IPO11: variants seen among roughly 807,000 people sequenced by gnomAD.
IPO11 encodes importin 11, also known as importin-11.
A neutral mutation model predicts 143.2 loss-of-function variants in IPO11; 66 were observed. The observed-to-expected ratio is 0.46, with a 90% CI of 0.38 to 0.57. The LOEUF (loss-of-function observed/expected upper bound fraction) is 0.57, where lower values mean the gene tolerates loss of function less well. IPO11 is among the 20% of genes least tolerant of loss of function. The pLI is 0.00. For synonymous variants in IPO11, 385 were observed against 377.8 expected (o/e 1.02, Z -0.22); for missense variants, 1,026 against 1,141.0 (o/e 0.90, Z 1.45).
rs1240762904 is a variant in IPO11, at chr5:62,438,763, G to A, written c.138+1346G>A. On this transcript the variant is annotated intron_variant, in intron 2 of 29. Coordinates refer to ENST00000325324, the MANE Select transcript of IPO11 (RefSeq NM_016338.5). ...ACGAAACTCCATCTCAAAAAAAAAA[G>A]GGGGGGAGCAGCGGGGCCAGGTGTG... Among the ~76,000 whole-genome samples the A allele has an allele frequency of 4.8e-5, 7 of 144,750 alleles. No individual in the cohort carries two copies. In the Admixed American group the frequency reaches 4.8e-4, roughly 10 times the overall value. 95.0% of individuals were successfully genotyped at this position (144,750 alleles called of 152,430 possible).
intron 8 of IPO11, among the ~76,000 whole-genome samples, chr5:62,476,089 T>A (rs1345796618): frequency 6.6e-6 from 1 of 152,260 alleles, no homozygotes; most frequent in Non-Finnish European, 1.5e-5. Context: ...AATGTTCATA[T>A]TGTGTAGTTA....
intron 5 of IPO11, among the ~76,000 whole-genome samples, chr5:62,454,287 T>C (rs1745046718): frequency 6.6e-6 from 1 of 152,254 alleles, no homozygotes; most frequent in Non-Finnish European, 1.5e-5. Flanking sequence ...GACCGTTCAC[T>C]CACTCAAGTC....
At chr5:62,566,909 C>A (rs750238850) in intron 27 of IPO11, among the ~76,000 whole-genome samples, 2 of 151,952 alleles carry the variant, frequency 1.3e-5, no homozygotes, top group Non-Finnish European at 2.9e-5. Context: ...TCCAGGCAGG[C>A]CTTGATCTCC....
chr5:62,507,884 A>G lies in IPO11; in HGVS notation c.1782+1527A>G, dbSNP rs1182397128. On this transcript the variant is annotated intron_variant, in intron 19 of 29. Coordinates refer to ENST00000325324, the MANE Select transcript of IPO11 (RefSeq NM_016338.5). ...AGCACAAATAGCCTAAGCAGCTTACATGCCTATATCATCAGAAAGTAACAA... is the reference window on the plus strand; with the variant it reads ...AGCACAAATAGCCTAAGCAGCTTACGTGCCTATATCATCAGAAAGTAACAA... Among the ~76,000 whole-genome samples, 3 of 152,212 alleles carry G rather than the reference A, an allele frequency of 2.0e-5. No homozygotes were observed. In the East Asian group the frequency reaches 5.8e-4, roughly 29 times the overall value.
chr5:62,516,801 C>T (rs958888553), intron 20 of IPO11, among the ~76,000 whole-genome samples: 1 of 151,820 alleles, frequency 6.6e-6, no homozygotes, highest in African/African-American at 2.4e-5. Context: ...TCATAATGTT[C>T]AACTGTCACT....
intron 27 of IPO11, among the ~76,000 whole-genome samples, chr5:62,588,198 T>G (rs1348723486): frequency 1.3e-5 from 2 of 152,052 alleles, no homozygotes; most frequent in Non-Finnish European, 2.9e-5. Context: ...AACTTCACAT[T>G]TTCCAGTTTT....
intron 28 of IPO11, among the ~76,000 whole-genome samples, chr5:62,599,512 T>C (rs545659403): frequency 1.3e-5 from 2 of 152,380 alleles, no homozygotes; most frequent in African/African-American, 4.8e-5. Flanking sequence ...GCAGAGTTTA[T>C]ATAGATTAAA....
rs750570635 is a variant in IPO11, at chr5:62,515,400, G to A, written c.1795G>A (p.Val599Met). The change falls in exon 20 of 30, where the codon GTG (valine) becomes ATG (methionine). Residue 599 changes from valine to methionine, a missense_variant. Transcript: ENST00000325324. The stretch of plus-strand genomic sequence containing the variant: ...TATATTGTAATAGATACGACCATAT[G>A]TGGGATGTTTGGTACAATATTTGCC... Reference protein sequence around the residue: ...ERVNMQIRPYVGCLVQYLPLL... With the variant: ...ERVNMQIRPYMGCLVQYLPLL... 2 of 1,606,018 alleles carry A rather than the reference G, an allele frequency of 1.2e-6. No individual in the cohort carries two copies. The highest frequency in any genetic ancestry group is 8.5e-7 in the Non-Finnish European group (1 of 1,177,180).
intron 22 of IPO11, among the ~76,000 whole-genome samples, chr5:62,534,068 T>A (rs1290154751): frequency 6.6e-6 from 1 of 152,230 alleles, no homozygotes; most frequent in Non-Finnish European, 1.5e-5. Flanking sequence ...GATGCGTTAA[T>A]TAAGTATGAA....
Position 62,518,725 on chromosome 5 carries a change from G to T in IPO11, c.1896+3224G>T, listed in dbSNP as rs570619010. Among the ~76,000 whole-genome samples, 356 of 152,196 alleles carry T rather than the reference G, an allele frequency of 2.3e-3. 1 individual carries two copies. The highest frequency in any genetic ancestry group is 8.1e-3 in the African/African-American group (338 of 41,524). ...TGTAAGTTTCTGTATGTTTTTGTTT[G>T]TTTTTTTAATCCTGGAAATCCAGAT... On this transcript the variant is annotated intron_variant, in intron 20 of 29. Transcript: ENST00000325324.
chr5:62,544,221 C>A (rs563923764), intron 24 of IPO11, among the ~76,000 whole-genome samples: 6 of 152,082 alleles, frequency 3.9e-5, no homozygotes, highest in African/African-American at 1.4e-4. Flanking sequence ...ACCGTCAAAC[C>A]GAATCCAGCA....
chr5:62,513,768 A>G (rs1385851455), intron 19 of IPO11, among the ~76,000 whole-genome samples: 7 of 150,024 alleles, frequency 4.7e-5, no homozygotes, highest in East Asian at 2.0e-4. Flanking sequence ...GGTGGCTGCC[A>G]GGCGGAGACG....
intron 1 of IPO11, among the ~76,000 whole-genome samples, chr5:62,423,631 A>G (rs1205600963): frequency 2.0e-5 from 3 of 152,174 alleles, no homozygotes; most frequent in Non-Finnish European, 4.4e-5. Context: ...CCATCTAGCC[A>G]TCATCCAGCT....
At chr5:62,561,534 T>A (rs1172051243) in intron 27 of IPO11, among the ~76,000 whole-genome samples, 1 of 152,148 alleles carries the variant, frequency 6.6e-6, no homozygotes, top group African/African-American at 2.4e-5. Flanking sequence ...TTTTTATAAT[T>A]ACGTTTTATT....
chr5:62,443,261 T>C, intron 3 of IPO11, 178 bp downstream of exon 3: 1 of 448,466 alleles, frequency 2.2e-6, no homozygotes, highest in South Asian at 5.9e-5. Context: ...ATGTGGAGAT[T>C]TGTGAAGTGT....
At chr5:62,470,160 G>C in intron 6 of IPO11, 90 bp from the exon 7 acceptor site, 4 of 1,247,164 alleles carry the variant, frequency 3.2e-6, no homozygotes, top group Non-Finnish European at 4.7e-6. Context: ...CTCCAAGCTT[G>C]ATTAAGTTTT....
chr5:62,492,060 A>G (rs184413616), intron 15 of IPO11, among the ~76,000 whole-genome samples: 21 of 152,338 alleles, frequency 1.4e-4, no homozygotes, highest in African/African-American at 4.8e-4. Flanking sequence ...TTTAATGTAC[A>G]TATGAGTCAC....
chr5:62,599,820 T>C (rs2112445981), intron 28 of IPO11, among the ~76,000 whole-genome samples: 1 of 152,368 alleles, frequency 6.6e-6, no homozygotes, highest in South Asian at 2.1e-4. Context: ...TAGAAATCTG[T>C]TAATTCTTAC....
In IPO11 at chr5:62,547,744, T is replaced by A. The variant is rs563332570; in HGVS notation, c.2251-2623T>A. Among the ~76,000 whole-genome samples the A allele has an allele frequency of 3.3e-5, 5 of 152,168 alleles. No homozygotes were observed. The East Asian group carries it at 9.6e-4, about 29-fold the overall frequency. ...GTACTCCCTTGCCACAACCCCCTCC[T>A]CCCTGCTGCTAAATAAAACTGTAAA... On this transcript the variant is annotated intron_variant, in intron 24 of 29. Coordinates refer to ENST00000325324, the MANE Select transcript of IPO11 (RefSeq NM_016338.5).
Sources: allele counts gnomAD v4.1 joint callset (sites outside exome capture counted in the v4.1 genomes callset), GRCh38; gene constraint gnomAD v4.1.1; transcripts MANE v1.5; gene names NCBI Gene and HGNC (gene_info 2026-07-23, HGNC 2026-07-21).